The following RNF150 variants were observed in gnomAD, a reference collection of about 807,000 sequenced individuals.
The protein encoded by RNF150 is ring finger protein 150.
Under a neutral mutation model 39.3 loss-of-function variants are expected in RNF150, and 24 were observed. The ratio of observed to expected loss-of-function variants is 0.61; its 90% CI spans 0.44 to 0.86. The LOEUF is 0.86. Ranked by LOEUF, RNF150 falls within the 40% of genes least tolerant of loss-of-function variation. The probability of loss-of-function intolerance (pLI) is 0.00; values close to 1 mark genes in which losing one functional copy is unlikely to be tolerated. For synonymous variants in RNF150, 255 were observed against 227.3 expected, an observed-to-expected ratio of 1.12 and a Z score of -1.10; for missense variants, 502 against 587.8, an observed-to-expected ratio of 0.85 and a Z score of 1.51.
chr4:140,905,555 G>A (rs1242368224), intron 6 of RNF150, among the ~76,000 whole-genome samples: 3 of 152,198 alleles, frequency 2.0e-5, no homozygotes, highest in African/African-American at 7.2e-5. Context: ...AGAAGGGGAA[G>A]AAGATGGGGT....
intron 6 of RNF150, among the ~76,000 whole-genome samples, chr4:140,874,615 T>C (rs1398272725): frequency 6.6e-6 from 1 of 152,198 alleles, no homozygotes; most frequent in African/African-American, 2.4e-5. Context: ...TGGAGCTTAG[T>C]GGTGCAATCA....
intron 1 of RNF150, among the ~76,000 whole-genome samples, chr4:141,151,409 G>GACACACACACACACACACACAC (rs869289733): frequency 8.2e-6 from 1 of 121,916 alleles, no homozygotes; most frequent in African/African-American, 2.9e-5. Flanking sequence ...CATCTCTACA[G>GACACACACACACACACACACAC]ACACACACAC....
chr4:140,914,180 G>A (rs962077458), intron 5 of RNF150, among the ~76,000 whole-genome samples: 3 of 152,150 alleles, frequency 2.0e-5, no homozygotes, highest in African/African-American at 7.2e-5. Context: ...TTAACAGAGT[G>A]GGTAGAGGGC....
intron 1 of RNF150, among the ~76,000 whole-genome samples, chr4:141,010,702 G>C (rs1254126236): frequency 6.6e-6 from 1 of 152,116 alleles, no homozygotes; most frequent in South Asian, 2.1e-4. Context: ...ATACATCAAA[G>C]TTCTATCCAC....
intron 2 of RNF150, among the ~76,000 whole-genome samples, chr4:140,961,907 G>C (rs1733041210): frequency 6.6e-6 from 1 of 152,010 alleles, no homozygotes; most frequent in Non-Finnish European, 1.5e-5. Context: ...TCTACCTGCA[G>C]AAAGTAACAT....
At chr4:141,147,922 T>C (rs1273229781) in intron 1 of RNF150, among the ~76,000 whole-genome samples, 1 of 152,194 alleles carries the variant, frequency 6.6e-6, no homozygotes, top group Non-Finnish European at 1.5e-5. Context: ...ATAAGTTTTC[T>C]CCCAGGAGTT....
At chr4:141,125,191 T>C (rs950060041) in intron 1 of RNF150, among the ~76,000 whole-genome samples, 2 of 152,220 alleles carry the variant, frequency 1.3e-5, no homozygotes, top group Non-Finnish European at 2.9e-5. Flanking sequence ...ACATTTATCC[T>C]ACCATACATT....
chr4:140,868,968 G>T (rs1010521169), intron 6 of RNF150, among the ~76,000 whole-genome samples: 3 of 152,098 alleles, frequency 2.0e-5, no homozygotes, highest in African/African-American at 4.8e-5. Flanking sequence ...AAAAAGACAA[G>T]ATAATATTAC....
intron 1 of RNF150, among the ~76,000 whole-genome samples, chr4:141,171,609 A>G (rs1239567186): frequency 6.6e-6 from 1 of 152,220 alleles, no homozygotes; most frequent in Non-Finnish European, 1.5e-5. Context: ...CTCTAGGCAC[A>G]GGGATGAATG....
intron 1 of RNF150, among the ~76,000 whole-genome samples, chr4:141,088,608 C>G (rs1011779042): frequency 1.3e-5 from 2 of 151,542 alleles, no homozygotes; most frequent in Admixed American, 6.6e-5. Flanking sequence ...GCAAATTTGG[C>G]AACTCTGCAG....
At chr4:141,136,113 G>A (rs113571453), upstream of RNF150, among the ~76,000 whole-genome samples, 2 of 152,316 alleles carry the variant, frequency 1.3e-5, no homozygotes, top group African/African-American at 2.4e-5. Context: ...TTTAAGAGAT[G>A]TGACAATTAC....
intron 2 of RNF150, 50 bp downstream of exon 2, chr4:140,967,573 T>C (rs1301835186): frequency 6.6e-7 from 1 of 1,513,894 alleles, no homozygotes; most frequent in South Asian, 1.3e-5. Flanking sequence ...AGATGTTTAA[T>C]AACATTTTTG....
intron 5 of RNF150, among the ~76,000 whole-genome samples, chr4:140,924,825 G>A (rs191206641): frequency 2.2e-4 from 34 of 152,316 alleles, no homozygotes; most frequent in Admixed American, 2.0e-3. Flanking sequence ...GTTGATGTGT[G>A]TTCAGAGTAT....
chr4:140,998,995 G>A (rs60417984), intron 1 of RNF150, among the ~76,000 whole-genome samples: 11,548 of 152,232 alleles, frequency 0.076, 496 homozygotes, highest in Middle Eastern at 0.16. Flanking sequence ...AAAGCCTCAC[G>A]AAGCAGGCTG....
chr4:140,886,510 T>G (rs1179216044), intron 6 of RNF150, among the ~76,000 whole-genome samples: 1 of 152,222 alleles, frequency 6.6e-6, no homozygotes, highest in Non-Finnish European at 1.5e-5. Flanking sequence ...TGCAAATTCT[T>G]TATATGTTCT....
intron 1 of RNF150, among the ~76,000 whole-genome samples, chr4:141,070,855 C>A (rs62327672): frequency 0.29 from 41,749 of 146,014 alleles, 4,389 homozygotes; most frequent in Middle Eastern, 0.4. Flanking sequence ...CTAGAAATAC[C>A]ATTTGACCCA....
chr4:140,920,747 T>C (rs1190353553), intron 5 of RNF150, among the ~76,000 whole-genome samples: 1 of 152,098 alleles, frequency 6.6e-6, no homozygotes, highest in Non-Finnish European at 1.5e-5. Flanking sequence ...CATACGTTTA[T>C]TGCGGCACTA....
At chr4:141,014,909 G>A (rs1008354100) in intron 1 of RNF150, among the ~76,000 whole-genome samples, 6 of 152,000 alleles carry the variant, frequency 3.9e-5, no homozygotes, top group African/African-American at 1.5e-4. Context: ...CAATGTCATG[G>A]GCTTTTCCCC....
upstream of RNF150, among the ~76,000 whole-genome samples, chr4:141,137,306 A>G (rs1175134728): frequency 6.6e-6 from 1 of 152,252 alleles, no homozygotes; most frequent in Non-Finnish European, 1.5e-5. Flanking sequence ...ACTGTATCCA[A>G]GCAAGTATGG....
Sources: gnomAD v4.1 joint callset for allele counts (sites outside exome capture counted in the v4.1 genomes callset) on GRCh38, gnomAD v4.1.1 for gene constraint, MANE v1.5 for transcripts, NCBI Gene and HGNC (gene_info 2026-07-23, HGNC 2026-07-21) for gene names.